Variants in PLXDC2 observed in about 807,000 individuals in gnomAD.
PLXDC2 encodes plexin domain-containing protein 2.
Under a neutral mutation model 68.9 loss-of-function variants are expected in PLXDC2, and 40 were observed. The observed-to-expected ratio is 0.58, with a 90% CI of 0.45 to 0.76. The LOEUF (loss-of-function observed/expected upper bound fraction) is 0.76, where lower values mean the gene tolerates loss of function less well. Ranked by LOEUF, PLXDC2 falls within the 30% of genes least tolerant of loss-of-function variation. The pLI is 0.00. For synonymous variants in PLXDC2, 243 were observed against 234.2 expected (o/e 1.04, Z -0.34); for missense variants, 644 against 661.9 (o/e 0.97, Z 0.30).
chr10:20,092,054 C>CTTCGAAAT (rs1342126090), intron 4 of PLXDC2, among the ~76,000 whole-genome samples: 2 of 152,136 alleles, frequency 1.3e-5, no homozygotes, highest in Non-Finnish European at 2.9e-5. Context: ...CTAAGCGAAA[C>CTTCGAAAT]TTCATTTTAC....
At chr10:19,910,227 A>G in intron 1 of PLXDC2, among the ~76,000 whole-genome samples, 1 of 150,964 alleles carries the variant, frequency 6.6e-6, no homozygotes, top group Non-Finnish European at 1.5e-5. Flanking sequence ...GTACTTGTAA[A>G]CCTCTTTCAT....
intron 4 of PLXDC2, among the ~76,000 whole-genome samples, chr10:20,138,962 T>C (rs903866339): frequency 2.6e-5 from 4 of 152,124 alleles, no homozygotes; most frequent in Middle Eastern, 3.2e-3. Flanking sequence ...AAGGCCTATA[T>C]AGATACTGGT....
chr10:20,254,163 C>T (rs1054618818), intron 13 of PLXDC2, among the ~76,000 whole-genome samples: 1 of 152,146 alleles, frequency 6.6e-6, no homozygotes, highest in Non-Finnish European at 1.5e-5. Context: ...GGGGATTCCC[C>T]ATCCCAAGAA....
At position 20,282,103 on chromosome 10, in the gene PLXDC2, AC is replaced by A. The variant is rs1316763562; in HGVS notation, c.*2285del. On this transcript the variant is annotated 3_prime_UTR_variant, in exon 14 of 14. Transcript: ENST00000377252. ...AAACAATTGATAATTCTGTAAAAAAACATAAACACTGAATTCTTCAGTGAAC... is the reference window on the plus strand; with the variant it reads ...AAACAATTGATAATTCTGTAAAAAAAATAAACACTGAATTCTTCAGTGAAC... 2.6e-5 allele frequency: 4 copies of A among 152,176 alleles called. No homozygotes were observed. The highest frequency in any genetic ancestry group is 7.2e-5 in the African/African-American group (3 of 41,450). 9.4% of individuals were successfully genotyped at this position (152,176 alleles called of 1,614,324 possible). A position where few individuals can be genotyped will look rare whatever the true frequency, so the allele number is the denominator to read the frequency against.
chr10:19,988,776 C>CTTTTT lies in PLXDC2; in HGVS notation c.113-12966_113-12962dup, dbSNP rs552950916. ...AGTTAGGGTTAAGTTAATAATGCCA[C>CTTTTT]TTTTTTTTTTTTTTTTTTTTTTTTT... is the stretch of plus-strand genomic sequence containing the variant. On this transcript the variant is annotated intron_variant, in intron 1 of 13. Coordinates refer to ENST00000377252, the MANE Select transcript of PLXDC2 (RefSeq NM_032812.9). Among the ~76,000 whole-genome samples the CTTTTT allele has an allele frequency of 1.8e-4, 8 of 45,492 alleles. 4 individuals are homozygous for CTTTTT. Among genetic ancestry groups the CTTTTT allele is most frequent in the Non-Finnish European group, 2.3e-4 (6 of 26,110 alleles). 29.8% of individuals were successfully genotyped at this position (45,492 alleles called of 152,430 possible).
In PLXDC2 at chr10:20,019,091, G is replaced by A. The variant is rs1835259759; in HGVS notation, c.324+17105G>A. ...GCCCAGGAGTTCAAGACCAGCCAGG[G>A]TAACATAGAGAGACAGCGTATCAAT... On this transcript the variant is annotated intron_variant, in intron 2 of 13. Coordinates refer to ENST00000377252, the MANE Select transcript of PLXDC2 (RefSeq NM_032812.9). Among the ~76,000 whole-genome samples, 3 of 152,130 alleles carry A rather than the reference G, an allele frequency of 2.0e-5. No individual in the cohort carries two copies. In the South Asian group the frequency reaches 6.2e-4, roughly 32 times the overall value.
In PLXDC2 at chr10:20,245,335, G is replaced by A. The variant is rs1835577967; in HGVS notation, c.1313-10G>A. ...TCATGAAGGTCCTGACAGCTGGGAT[G>A]TTCTTTCAGCTTCTACAGATGACAG... is the stretch of plus-strand genomic sequence containing the variant. On this transcript the variant is annotated splice_polypyrimidine_tract_variant and intron_variant, in intron 12 of 13. Coordinates refer to ENST00000377252, the MANE Select transcript of PLXDC2 (RefSeq NM_032812.9). 1 of 1,604,670 alleles carries A rather than the reference G, an allele frequency of 6.2e-7. No homozygotes were observed. Among genetic ancestry groups the A allele is most frequent in the Non-Finnish European group, 8.5e-7 (1 of 1,176,178 alleles).
At chr10:20,188,117 T>G (rs1252512006) in intron 9 of PLXDC2, among the ~76,000 whole-genome samples, 1 of 151,708 alleles carries the variant, frequency 6.6e-6, no homozygotes, top group Admixed American at 6.6e-5. Flanking sequence ...AATGTGAATG[T>G]TATTAAATAT....
intron 6 of PLXDC2, among the ~76,000 whole-genome samples, chr10:20,156,340 A>C (rs1177368160): frequency 6.6e-6 from 1 of 152,206 alleles, no homozygotes; most frequent in African/African-American, 2.4e-5. Context: ...TTTATGTTTT[A>C]AGTGTACACG....
intron 1 of PLXDC2, among the ~76,000 whole-genome samples, chr10:19,848,863 G>T (rs1482335399): frequency 6.6e-6 from 1 of 152,032 alleles, no homozygotes; most frequent in Non-Finnish European, 1.5e-5. Flanking sequence ...TTCATCTCAT[G>T]AAAAGAAGCT....
intron 13 of PLXDC2, among the ~76,000 whole-genome samples, chr10:20,277,675 G>T (rs1836026400): frequency 6.6e-6 from 1 of 152,190 alleles, no homozygotes; most frequent in African/African-American, 2.4e-5. Context: ...TTATGACTAA[G>T]ACTGAGATGT....
chr10:19,837,147 A>G (rs1420504781), intron 1 of PLXDC2, among the ~76,000 whole-genome samples: 1 of 151,834 alleles, frequency 6.6e-6, no homozygotes, highest in Non-Finnish European at 1.5e-5. Flanking sequence ...TTGTTTGAGG[A>G]CTAAAAGGGC....
intron 1 of PLXDC2, among the ~76,000 whole-genome samples, chr10:19,818,553 G>A (rs1836401196): frequency 6.6e-6 from 1 of 152,120 alleles, no homozygotes; most frequent in Admixed American, 6.5e-5. Flanking sequence ...GTGCAGGGAG[G>A]CAATAGGATG....
intron 1 of PLXDC2, among the ~76,000 whole-genome samples, chr10:19,913,836 C>T (rs1007917546): frequency 2.6e-5 from 4 of 152,040 alleles, no homozygotes; most frequent in Non-Finnish European, 5.9e-5. Flanking sequence ...TGACCTAGAC[C>T]ATTTACTGTG....
At chr10:19,856,027 G>A (rs903253998) in intron 1 of PLXDC2, among the ~76,000 whole-genome samples, 5 of 152,140 alleles carry the variant, frequency 3.3e-5, no homozygotes, top group African/African-American at 1.2e-4. Context: ...CCTGGGAGGT[G>A]GAGGTTGCAG....
intron 1 of PLXDC2, among the ~76,000 whole-genome samples, chr10:19,983,745 C>A (rs1254619059): frequency 6.6e-6 from 1 of 152,054 alleles, no homozygotes; most frequent in Non-Finnish European, 1.5e-5. Flanking sequence ...GTCCATGGAC[C>A]AGGGGTGGCA....
intron 1 of PLXDC2, among the ~76,000 whole-genome samples, chr10:19,923,175 A>G (rs1424894363): frequency 1.3e-5 from 2 of 152,178 alleles, no homozygotes; most frequent in Admixed American, 1.3e-4. Flanking sequence ...GTTGAGTGCT[A>G]GTTTTATTGA....
chr10:20,249,431 C>A (rs942117930), intron 13 of PLXDC2, among the ~76,000 whole-genome samples: 4 of 152,294 alleles, frequency 2.6e-5, no homozygotes, highest in Admixed American at 6.5e-5. Context: ...ATGGACAGGG[C>A]TGGTTCCTTC....
At chr10:20,172,465 G>A (rs1470778858) in intron 7 of PLXDC2, among the ~76,000 whole-genome samples, 2 of 152,066 alleles carry the variant, frequency 1.3e-5, no homozygotes, top group African/African-American at 4.8e-5. Context: ...TGCTGGTTAC[G>A]ATTCTCTCTT....
Sources: allele counts gnomAD v4.1 joint callset (sites outside exome capture counted in the v4.1 genomes callset), GRCh38; gene constraint gnomAD v4.1.1; transcripts MANE v1.5; gene names NCBI Gene and HGNC (gene_info 2026-07-23, HGNC 2026-07-21).